CNTN6: variants seen among roughly 807,000 people sequenced by gnomAD.
CNTN6 encodes the protein contactin-6.
A neutral mutation model predicts 122.8 loss-of-function variants in CNTN6; 137 were observed. That is an observed-to-expected ratio of 1.12 (90% CI 0.97 to 1.29). The LOEUF is 1.29. CNTN6 is among the 50% of genes most tolerant of loss of function. The probability of loss-of-function intolerance (pLI) is 0.00; values close to 1 mark genes in which losing one functional copy is unlikely to be tolerated. For synonymous variants in CNTN6, 570 were observed against 426.0 expected (o/e 1.34, Z -4.16); for missense variants, 1,634 against 1,223.4 (o/e 1.34, Z -5.01).
intron 11 of CNTN6, among the ~76,000 whole-genome samples, chr3:1,337,100 C>G (rs1474314658): frequency 6.6e-6 from 1 of 152,130 alleles, no homozygotes; most frequent in Middle Eastern, 3.2e-3. Flanking sequence ...TAATGCCTGA[C>G]ACAGACAAGG....
chr3:1,365,357 T>C (rs1230712853), intron 12 of CNTN6, among the ~76,000 whole-genome samples: 1 of 152,084 alleles, frequency 6.6e-6, no homozygotes, highest in Non-Finnish European at 1.5e-5. Flanking sequence ...TAACAAATTA[T>C]TATTTCTAAA....
At chr3:1,294,595 C>A (rs1450024934) in intron 5 of CNTN6, among the ~76,000 whole-genome samples, 4 of 152,084 alleles carry the variant, frequency 2.6e-5, no homozygotes, top group Non-Finnish European at 5.9e-5. Flanking sequence ...TACAGTTACC[C>A]ACAAGATTTC....
chr3:1,275,684 C>T (rs1274481314), intron 4 of CNTN6, among the ~76,000 whole-genome samples: 1 of 152,080 alleles, frequency 6.6e-6, no homozygotes, highest in African/African-American at 2.4e-5. Context: ...TGATGGGAGA[C>T]AGTGACAGAT....
At chr3:1,335,221 C>T (rs770678717) in intron 11 of CNTN6, among the ~76,000 whole-genome samples, 18 of 152,084 alleles carry the variant, frequency 1.2e-4, no homozygotes, top group Non-Finnish European at 1.0e-4. Context: ...ATTTTATGTC[C>T]GGAATGACAG....
chr3:1,288,369 T>A (rs146656412), intron 5 of CNTN6, among the ~76,000 whole-genome samples: 150 of 152,324 alleles, frequency 9.8e-4, no homozygotes, highest in African/African-American at 3.5e-3. Context: ...CATCGTAAAC[T>A]TCCTCAGCCT....
chr3:1,258,548 G>A (rs1439502162), intron 4 of CNTN6, among the ~76,000 whole-genome samples: 2 of 152,112 alleles, frequency 1.3e-5, no homozygotes, highest in Non-Finnish European at 2.9e-5. Context: ...TGGTTTGTGT[G>A]TGAGGGATTG....
intron 1 of CNTN6, among the ~76,000 whole-genome samples, chr3:1,093,983 A>C (rs955058058): frequency 3.2e-4 from 48 of 152,220 alleles, no homozygotes; most frequent in Admixed American, 2.6e-4. Flanking sequence ...AGAAACATTC[A>C]CAGAATGACT....
In CNTN6 at chr3:1,289,093, A is replaced by G. The variant is rs536322914; in HGVS notation, c.455-6508A>G. Among the ~76,000 whole-genome samples, 89 of 152,336 alleles carry G rather than the reference A, an allele frequency of 5.8e-4. 3 individuals are homozygous for G. The South Asian group carries it at 0.013, about 22-fold the overall frequency. ...GGTGGAGAAAATATTTAAAAATTCA[A>G]TGGTTTCAACCTAAATGGCTCATGA... On this transcript the variant is annotated intron_variant, in intron 5 of 22. Transcript: ENST00000446702.
Position 1,359,287 on chromosome 3 carries a change from A to T in CNTN6, c.1492+6836A>T, listed in dbSNP as rs556547555. On this transcript the variant is annotated intron_variant, in intron 12 of 22. Coordinates refer to ENST00000446702, the MANE Select transcript of CNTN6 (RefSeq NM_001289080.2). ...TACAGAGCATGTTCTGTTTAAATAG[A>T]TGTCAGGCCCTGCTTTGACTATTTG... Among the ~76,000 whole-genome samples, 7 of 152,260 alleles carry T rather than the reference A, an allele frequency of 4.6e-5. No homozygotes were observed. In the South Asian group the frequency reaches 1.2e-3, roughly 27 times the overall value.
At position 1,372,844 on chromosome 3, in the gene CNTN6, G is replaced by C. The variant is rs1246301287; in HGVS notation, c.1675G>C (p.Val559Leu). 3 of 1,588,210 alleles carry C rather than the reference G, an allele frequency of 1.9e-6. No homozygotes were observed. The highest frequency in any genetic ancestry group is 1.3e-5 in the African/African-American group (1 of 74,318). ...AHFERIGGES[V>L]GDLMIRNIQL... ...TCTCCCTTTCTGTCTGCAGGAATCT[G>C]TTGGGGATTTGATGATAAGGAATAT... Residue 559 changes from valine to leucine, a missense_variant, in exon 14 of 23, where the codon GTT (valine) becomes CTT (leucine). By Grantham distance (32) the Val-to-Leu change is conservative. Transcript: ENST00000446702.
intron 12 of CNTN6, among the ~76,000 whole-genome samples, chr3:1,365,208 C>T (rs1179322631): frequency 6.6e-6 from 1 of 152,002 alleles, no homozygotes; most frequent in Non-Finnish European, 1.5e-5. Context: ...AATCTATACA[C>T]TAACCTACTT....
chr3:1,358,070 C>A (rs1004866999), intron 12 of CNTN6, among the ~76,000 whole-genome samples: 1 of 151,698 alleles, frequency 6.6e-6, no homozygotes, highest in African/African-American at 2.4e-5. Context: ...ATTTTCTCAC[C>A]ATAGATTTCA....
At chr3:1,369,684 A>G (rs1186095427) in intron 12 of CNTN6, among the ~76,000 whole-genome samples, 2 of 152,146 alleles carry the variant, frequency 1.3e-5, no homozygotes, top group Non-Finnish European at 2.9e-5. Context: ...TGCATGATCT[A>G]AAACTTTAAA....
At chr3:1,212,090 C>T (rs67544727) in intron 2 of CNTN6, among the ~76,000 whole-genome samples, 35,387 of 151,930 alleles carry the variant, frequency 0.23, 7,350 homozygotes, top group African/African-American at 0.56. Flanking sequence ...ATGGAATTAA[C>T]TTTTTAATTC....
At chr3:1,262,604 C>A (rs969042946) in intron 4 of CNTN6, among the ~76,000 whole-genome samples, 7 of 151,692 alleles carry the variant, frequency 4.6e-5, no homozygotes, top group Non-Finnish European at 7.4e-5. Flanking sequence ...ACACAATAAT[C>A]ATTGTAGCAG....
chr3:1,328,033 C>T (rs1304424181), intron 10 of CNTN6, among the ~76,000 whole-genome samples: 2 of 151,830 alleles, frequency 1.3e-5, no homozygotes, highest in African/African-American at 4.8e-5. Flanking sequence ...TTCCCTTCAG[C>T]ATCAAAGCCT....
chr3:1,188,036 T>C (rs921298026), intron 2 of CNTN6, among the ~76,000 whole-genome samples: 1 of 152,190 alleles, frequency 6.6e-6, no homozygotes, highest in African/African-American at 2.4e-5. Flanking sequence ...TCTTACTCTT[T>C]TTTTTCTATT....
rs777800992 is a variant in CNTN6 at position 1,148,048 on chromosome 3, A to T, written c.40A>T (p.Ile14Leu). 37 of 1,608,368 alleles carry T rather than the reference A, an allele frequency of 2.3e-5. No homozygotes were observed. The African/African-American group carries it at 4.5e-4, about 20-fold the overall frequency. The stretch of plus-strand genomic sequence containing the variant: ...GAAACTGGTAATTCTGCTGCCACTC[A>T]TAAACTCTTCTGCAGGTAAAGTGTT... Reference protein sequence around the residue: ...LWKLVILLPLINSSAGDGLLS... With the variant: ...LWKLVILLPLLNSSAGDGLLS... Residue 14 changes from isoleucine (I) to leucine (L), a missense_variant, in exon 2 of 23, where the codon ATA becomes TTA. Coordinates refer to ENST00000446702, the MANE Select transcript of CNTN6 (RefSeq NM_001289080.2).
chr3:1,223,879 C>T (rs1397406354), intron 3 of CNTN6, among the ~76,000 whole-genome samples: 1 of 152,094 alleles, frequency 6.6e-6, no homozygotes, highest in East Asian at 1.9e-4. Flanking sequence ...TATTCATTTC[C>T]CGCAACTTTA....
Sources: allele counts gnomAD v4.1 joint callset (sites outside exome capture counted in the v4.1 genomes callset), GRCh38; gene constraint gnomAD v4.1.1; transcripts MANE v1.5; gene names NCBI Gene and HGNC (gene_info 2026-07-23, HGNC 2026-07-21).